PRKAR1B: variants seen among roughly 807,000 people sequenced by gnomAD.
The protein encoded by PRKAR1B is cAMP-dependent protein kinase type I-beta regulatory subunit.
A neutral mutation model predicts 46.5 loss-of-function variants in PRKAR1B; 22 were observed. The ratio of observed to expected loss-of-function variants is 0.47; its 90% CI spans 0.34 to 0.68. PRKAR1B has a LOEUF of 0.68. PRKAR1B is among the 30% of genes least tolerant of loss of function. The pLI, the probability that PRKAR1B is intolerant of heterozygous loss-of-function variation, is 0.01. For synonymous variants in PRKAR1B, 259 were observed against 217.7 expected (o/e 1.19, Z -1.67); for missense variants, 445 against 535.6 (o/e 0.83, Z 1.67).
intron 4 of PRKAR1B, among the ~76,000 whole-genome samples, chr7:672,062 T>C (rs1290734307): frequency 6.6e-6 from 1 of 152,136 alleles, no homozygotes; most frequent in Non-Finnish European, 1.5e-5. Context: ...ACCCGTTCCC[T>C]ACCCCCACTG....
At chr7:581,959 TC>T (rs1780210938) in intron 8 of PRKAR1B, among the ~76,000 whole-genome samples, 1 of 152,214 alleles carries the variant, frequency 6.6e-6, no homozygotes, top group African/African-American at 2.4e-5. Context: ...CCTCAAGTGA[TC>T]CTCCCACCTC....
At chr7:696,350 C>T (rs1484381791) in intron 2 of PRKAR1B, among the ~76,000 whole-genome samples, 1 of 151,910 alleles carries the variant, frequency 6.6e-6, no homozygotes, top group Non-Finnish European at 1.5e-5. Context: ...TGGCTCACTG[C>T]AGCCTCCGCC....
chr7:723,831 T>C (rs1781158820), intron 1 of PRKAR1B, among the ~76,000 whole-genome samples: 1 of 152,160 alleles, frequency 6.6e-6, no homozygotes, highest in Admixed American at 6.5e-5. Context: ...CCCTGTTTGC[T>C]ACCTGAGGCT....
intron 4 of PRKAR1B, among the ~76,000 whole-genome samples, chr7:671,318 G>A (rs1298585797): frequency 1.3e-5 from 2 of 152,302 alleles, no homozygotes; most frequent in Non-Finnish European, 1.5e-5. Context: ...GGCTCCCCAC[G>A]CCCAAACATT....
chr7:588,837 A>G (rs1181325763), intron 7 of PRKAR1B, among the ~76,000 whole-genome samples: 3 of 8,998 alleles, frequency 3.3e-4, no homozygotes, highest in East Asian at 4.7e-3. Flanking sequence ...GATGGTGGTG[A>G]TGGTAATGGT....
rs990384684 is a variant in PRKAR1B at position 666,828 on chromosome 7, G to A, written c.440+10401C>T. On this transcript the variant is annotated intron_variant, in intron 4 of 10. Coordinates refer to ENST00000537384, the MANE Select transcript of PRKAR1B (RefSeq NM_001164760.2). The surrounding 1 kb of genome is among the most constrained non-coding windows in gnomAD (Gnocchi z 4.9). ...TGGGGCCTGACTGCGGGGTCTGTCT[G>A]GATAGCCGGGCCAGCCTCCAAGGGG... is the stretch of plus-strand genomic sequence containing the variant. Among the ~76,000 whole-genome samples, 2 of 152,330 alleles carry A rather than the reference G, an allele frequency of 1.3e-5. No individual in the cohort carries two copies. The highest frequency in any genetic ancestry group is 3.9e-4 in the East Asian group (2 of 5,184).
intron 9 of PRKAR1B, among the ~76,000 whole-genome samples, chr7:574,601 AC>A (rs1779714676): frequency 6.6e-6 from 1 of 151,910 alleles, no homozygotes; most frequent in Admixed American, 6.6e-5. Flanking sequence ...CTGCTACCAC[AC>A]CCGGCTAATT....
In PRKAR1B at chr7:567,793, A is replaced by C. The variant is rs558720007; in HGVS notation, c.891+11463T>G. 2.0e-5 allele frequency among the ~76,000 whole-genome samples: 3 copies of C among 152,306 alleles called. No individual in the cohort carries two copies. The East Asian group carries it at 5.8e-4, about 29-fold the overall frequency. On this transcript the variant is annotated intron_variant, in intron 9 of 10. Transcript: ENST00000537384. ...TAGTCACAGAGGGACAAATCCTGTC[A>C]GATCTCCCTTATAGCAGGCAGTAGA...
intron 4 of PRKAR1B, among the ~76,000 whole-genome samples, chr7:646,022 T>A (rs1225258238): frequency 6.6e-6 from 1 of 152,038 alleles, no homozygotes; most frequent in South Asian, 2.1e-4. Context: ...GTCACCAACA[T>A]GTTGCTCAGT....
At chr7:673,203 G>A (rs1786387043) in intron 4 of PRKAR1B, among the ~76,000 whole-genome samples, 3 of 152,040 alleles carry the variant, frequency 2.0e-5, no homozygotes, top group African/African-American at 7.3e-5. Flanking sequence ...GCGCAGCTGG[G>A]ACCAGAAAGG....
intron 4 of PRKAR1B, among the ~76,000 whole-genome samples, chr7:645,190 G>C (rs906399827): frequency 6.6e-6 from 1 of 152,118 alleles, no homozygotes; most frequent in African/African-American, 2.4e-5. Context: ...ATGAGAACCC[G>C]GCCTGCAGCA....
chr7:605,226 C>G (rs1483742044), intron 6 of PRKAR1B, among the ~76,000 whole-genome samples: 1 of 152,248 alleles, frequency 6.6e-6, no homozygotes, highest in Non-Finnish European at 1.5e-5. Flanking sequence ...GATGATGTCA[C>G]TGAGGTCCTT....
intron 4 of PRKAR1B, among the ~76,000 whole-genome samples, chr7:658,651 T>G (rs901219270): frequency 1.3e-5 from 2 of 152,026 alleles, no homozygotes; most frequent in African/African-American, 4.8e-5. Context: ...AAATGTTTTT[T>G]GTTTTTTGGG....
chr7:676,091 C>T (rs760214885), intron 4 of PRKAR1B, among the ~76,000 whole-genome samples: 1 of 152,150 alleles, frequency 6.6e-6, no homozygotes, highest in Non-Finnish European at 1.5e-5. Context: ...TATGGGAAAA[C>T]AGGGTAGAAT....
intron 4 of PRKAR1B, among the ~76,000 whole-genome samples, chr7:669,138 C>T (rs762965336): frequency 1.3e-5 from 2 of 152,148 alleles, no homozygotes; most frequent in African/African-American, 4.8e-5. Flanking sequence ...GAATATTACT[C>T]GGCCCTGAAA....
intron 4 of PRKAR1B, among the ~76,000 whole-genome samples, chr7:627,411 A>C (rs1479882982): frequency 3.9e-5 from 6 of 152,138 alleles, no homozygotes; most frequent in African/African-American, 1.4e-4. Flanking sequence ...AACTTTTACA[A>C]CACCCATTTT....
At chr7:720,256 C>A (rs980311616) in intron 1 of PRKAR1B, among the ~76,000 whole-genome samples, 1 of 152,086 alleles carries the variant, frequency 6.6e-6, no homozygotes, top group Admixed American at 6.6e-5. Context: ...CAGGATTTCT[C>A]CATGTTGGCC....
chr7:666,232 C>T lies in PRKAR1B; in HGVS notation c.440+10997G>A, dbSNP rs111704848. On this transcript the variant is annotated intron_variant, in intron 4 of 10. Coordinates refer to ENST00000537384, the MANE Select transcript of PRKAR1B (RefSeq NM_001164760.2). This position sits in a 1 kb window ranked among gnomAD's most constrained non-coding sequence, Gnocchi z 4.9. ...CTCCCCAAGGCCTGGGACACACGCTCCAGGGACAGCCTTCATGGTCCTGGC... is the reference window on the plus strand; with the variant it reads ...CTCCCCAAGGCCTGGGACACACGCTTCAGGGACAGCCTTCATGGTCCTGGC... Among the ~76,000 whole-genome samples, 26 of 130,202 alleles carry T rather than the reference C, an allele frequency of 2.0e-4. No individual in the cohort carries two copies. Among genetic ancestry groups the T allele is most frequent in the African/African-American group, 1.1e-3 (25 of 22,526 alleles). The allele number at this position is 130,202 out of a possible 152,430, so 85.4% of individuals were successfully genotyped here.
At chr7:709,501 G>A (rs1358551529) in intron 2 of PRKAR1B, among the ~76,000 whole-genome samples, 2 of 151,660 alleles carry the variant, frequency 1.3e-5, no homozygotes, top group East Asian at 3.9e-4. Context: ...CTCCTGAGTA[G>A]CTGGGACTAC....
Sources: gnomAD v4.1 joint callset for allele counts (sites outside exome capture counted in the v4.1 genomes callset) on GRCh38, gnomAD v4.1.1 for gene constraint, Gnocchi (gnomAD v3.1) non-coding constraint, MANE v1.5 for transcripts, NCBI Gene and HGNC (gene_info 2026-07-23, HGNC 2026-07-21) for gene names.